The following ARHGAP20 variants were observed in gnomAD, a reference collection of about 807,000 sequenced individuals.
The protein encoded by ARHGAP20 is Rho GTPase activating protein 20.
A neutral mutation model predicts 73.7 loss-of-function variants in ARHGAP20; 34 were observed. The ratio of observed to expected loss-of-function variants is 0.46; its 90% confidence interval spans 0.35 to 0.61. ARHGAP20 has a LOEUF of 0.61. ARHGAP20 is among the 20% of genes least tolerant of loss of function. ARHGAP20 has a pLI of 0.00. For missense variants in ARHGAP20, 1,314 were observed against 1,420.9 expected, an observed-to-expected ratio of 0.92 and a Z score of 1.21; for synonymous variants, 523 against 518.2, an observed-to-expected ratio of 1.01 and a Z score of -0.13.
chr11:110,670,195 G>C (rs1318828580), intron 2 of ARHGAP20, among the ~76,000 whole-genome samples: 2 of 152,000 alleles, frequency 1.3e-5, no homozygotes, highest in Non-Finnish European at 2.9e-5. Context: ...CACTTTATGT[G>C]TGCTTTATTG....
chr11:110,686,426 A>G (rs1950133152), intron 2 of ARHGAP20, among the ~76,000 whole-genome samples: 1 of 152,162 alleles, frequency 6.6e-6, no homozygotes, highest in Admixed American at 6.5e-5. Flanking sequence ...ACAAATGATT[A>G]ATAGTAGTTA....
chr11:110,593,833 T>C (rs1369932350), intron 9 of ARHGAP20, among the ~76,000 whole-genome samples: 1 of 152,254 alleles, frequency 6.6e-6, no homozygotes, highest in Non-Finnish European at 1.5e-5. Context: ...GAACTGAGAT[T>C]TGAGGAGCCA....
At chr11:110,584,240 A>G (rs1052560040) in intron 12 of ARHGAP20, among the ~76,000 whole-genome samples, 1 of 152,174 alleles carries the variant, frequency 6.6e-6, no homozygotes, top group Non-Finnish European at 1.5e-5. Context: ...TGCTCCACCA[A>G]CTTCCAAGGT....
intron 2 of ARHGAP20, among the ~76,000 whole-genome samples, chr11:110,652,568 C>T (rs1030362289): frequency 4.6e-5 from 7 of 152,034 alleles, no homozygotes; most frequent in African/African-American, 1.7e-4. Context: ...ATGCAAAAAT[C>T]ACAAGCATTC....
chr11:110,674,440 T>G (rs1220045905), intron 2 of ARHGAP20, among the ~76,000 whole-genome samples: 1 of 152,178 alleles, frequency 6.6e-6, no homozygotes, highest in Non-Finnish European at 1.5e-5. Context: ...TTTGAGCGCC[T>G]ACACGATGGC....
At chr11:110,600,384 G>C (rs1948080790) in intron 9 of ARHGAP20, among the ~76,000 whole-genome samples, 1 of 152,202 alleles carries the variant, frequency 6.6e-6, no homozygotes, top group South Asian at 2.1e-4. Flanking sequence ...GGTGTGCCTG[G>C]TCTGGCTGCA....
chr11:110,616,100 T>C (rs755963275), intron 4 of ARHGAP20, among the ~76,000 whole-genome samples: 4 of 152,060 alleles, frequency 2.6e-5, no homozygotes, highest in Non-Finnish European at 5.9e-5. Context: ...AAATTTGGCA[T>C]GTGAATGGAA....
At chr11:110,614,442 A>G (rs1002257482) in intron 6 of ARHGAP20, 119 bp downstream of exon 6, 3 of 804,654 alleles carry the variant, frequency 3.7e-6, no homozygotes, top group South Asian at 1.8e-5. Flanking sequence ...CTAAATGCCT[A>G]CCTTCCATAG....
chr11:110,662,030 A>C (rs985905236), intron 2 of ARHGAP20, among the ~76,000 whole-genome samples: 1 of 152,070 alleles, frequency 6.6e-6, no homozygotes, highest in Non-Finnish European at 1.5e-5. Flanking sequence ...AACTGTAGAA[A>C]GGGAAGAAAA....
rs368913943 is a variant in ARHGAP20 at position 110,590,829 on chromosome 11, A to G, written c.1144-20T>C. ...CATATCCTATGGGGAAGCAAAGGAA[A>G]ATAAACAAAATGACACTTCCACACA... is the stretch of plus-strand genomic sequence containing the variant. On this transcript the variant is annotated intron_variant, in intron 10 of 14. Coordinates refer to ENST00000683387, the MANE Select transcript of ARHGAP20 (RefSeq NM_001384657.1). 59 of 1,605,484 alleles carry G rather than the reference A, an allele frequency of 3.7e-5. 1 individual carries two copies. Among genetic ancestry groups the G allele is most frequent in the Non-Finnish European group, 4.6e-5 (54 of 1,176,614 alleles).
chr11:110,588,873 C>T (rs1440380058), intron 11 of ARHGAP20, among the ~76,000 whole-genome samples: 1 of 151,974 alleles, frequency 6.6e-6, no homozygotes, highest in African/African-American at 2.4e-5. Context: ...AGATCGAGAC[C>T]ATCCTGGCTA....
At position 110,614,661 on chromosome 11, in the gene ARHGAP20, A is replaced by G; in HGVS notation, c.546-16T>C. 6.4e-7 allele frequency: 1 copy of G among 1,553,934 alleles called. No homozygotes were observed. Among genetic ancestry groups the G allele is most frequent in the Non-Finnish European group, 8.8e-7 (1 of 1,140,064 alleles). ...ATTGATGTATCTAATCAAATGCAAC[A>G]GCAACCCAAAACAACACTGAGTCAG... On this transcript the variant is annotated splice_polypyrimidine_tract_variant and intron_variant, in intron 5 of 14. Transcript: ENST00000683387.
chr11:110,601,183 T>A (rs1223710764), intron 9 of ARHGAP20, among the ~76,000 whole-genome samples: 1 of 152,168 alleles, frequency 6.6e-6, no homozygotes, highest in African/African-American at 2.4e-5. Flanking sequence ...ATTTAAGAAT[T>A]TATGAATTCT....
chr11:110,645,973 G>A (rs1157662123), intron 2 of ARHGAP20, among the ~76,000 whole-genome samples: 1 of 151,964 alleles, frequency 6.6e-6, no homozygotes, highest in African/African-American at 2.4e-5. Flanking sequence ...TTAGAAGGGG[G>A]AGAGAGGTAG....
intron 4 of ARHGAP20, among the ~76,000 whole-genome samples, chr11:110,622,736 A>G (rs1948656459): frequency 6.6e-6 from 1 of 152,138 alleles, no homozygotes; most frequent in Non-Finnish European, 1.5e-5. Context: ...TTGTTGAATG[A>G]TTTCCTCATG....
chr11:110,600,571 G>A (rs993741455), intron 9 of ARHGAP20, among the ~76,000 whole-genome samples: 2 of 152,238 alleles, frequency 1.3e-5, no homozygotes, highest in African/African-American at 2.4e-5. Context: ...TAAGAGCCAA[G>A]TGCAGCCTGC....
chr11:110,673,422 T>A (rs1260298914), intron 2 of ARHGAP20, among the ~76,000 whole-genome samples: 1 of 152,182 alleles, frequency 6.6e-6, no homozygotes, highest in Non-Finnish European at 1.5e-5. Context: ...AAAAAAATTT[T>A]AAAATCAGAT....
intron 2 of ARHGAP20, among the ~76,000 whole-genome samples, chr11:110,655,059 T>C (rs1949435572): frequency 6.6e-6 from 1 of 152,214 alleles, no homozygotes; most frequent in Non-Finnish European, 1.5e-5. Context: ...ACATTTGAGC[T>C]ACTCTAGACT....
intron 9 of ARHGAP20, among the ~76,000 whole-genome samples, chr11:110,595,579 C>G (rs1947936676): frequency 6.6e-6 from 1 of 152,216 alleles, no homozygotes; most frequent in Admixed American, 6.5e-5. Flanking sequence ...AGGAATCCAA[C>G]TTACAAGGGA....
Sources: gnomAD v4.1 joint callset for allele counts (sites outside exome capture counted in the v4.1 genomes callset) on GRCh38, gnomAD v4.1.1 for gene constraint, MANE v1.5 for transcripts, NCBI Gene and HGNC (gene_info 2026-07-23, HGNC 2026-07-21) for gene names.